The following FBN2 variants were observed in gnomAD, a reference collection of about 807,000 sequenced individuals.
FBN2 encodes the protein fibrillin 2, also known as fibrillin-2.
FBN2 carries 105 observed loss-of-function variants against 355.6 expected under a neutral mutation model. The observed-to-expected ratio is 0.30, with a 90% CI of 0.25 to 0.35. FBN2 has a LOEUF of 0.35. FBN2 is among the 10% of genes least tolerant of loss of function. The probability of loss-of-function intolerance (pLI) is 1.00; values close to 1 mark genes in which losing one functional copy is unlikely to be tolerated. For synonymous variants in FBN2, 1,350 were observed against 1,301.2 expected, an observed-to-expected ratio of 1.04 and a Z score of -0.81; for missense variants, 3,280 against 3,758.7, an observed-to-expected ratio of 0.87 and a Z score of 3.33.
intron 5 of FBN2, among the ~76,000 whole-genome samples, chr5:128,511,221 T>G (rs1254540439): frequency 6.6e-6 from 1 of 152,212 alleles, no homozygotes; most frequent in African/African-American, 2.4e-5. Context: ...TTCATTCTAT[T>G]TTGTTTGCCA....
chr5:128,535,102 T>C (rs1012283436), intron 2 of FBN2, among the ~76,000 whole-genome samples: 1 of 152,244 alleles, frequency 6.6e-6, no homozygotes, highest in Non-Finnish European at 1.5e-5. Context: ...GCAGAACATG[T>C]TCTTTTAAAA....
Position 128,263,469 on chromosome 5 carries a change from G to GC in FBN2, c.8147dup (p.Tyr2717LeufsTer24). 1.2e-6 allele frequency: 2 copies of GC among 1,614,088 alleles called. No individual in the cohort carries two copies. Among genetic ancestry groups the GC allele is most frequent in the Non-Finnish European group, 1.7e-6 (2 of 1,179,986 alleles). ...ACCCAGGGGGGCAGCCACAGAGGTA[G>GC]CCCCCCTCCGTGTTAGAGCAGCCGT... is the stretch of plus-strand genomic sequence containing the variant. On this transcript the variant is annotated frameshift_variant, in exon 63 of 65. Transcript: ENST00000262464. LOFTEE classifies it high-confidence loss of function.
intron 20 of FBN2, among the ~76,000 whole-genome samples, chr5:128,351,381 T>C (rs919475562): frequency 2.0e-5 from 3 of 152,088 alleles, no homozygotes; most frequent in Non-Finnish European, 4.4e-5. Flanking sequence ...ACCCCGTCTC[T>C]ACTAAATATA....
intron 7 of FBN2, among the ~76,000 whole-genome samples, chr5:128,440,169 T>C (rs1319224724): frequency 2.0e-5 from 3 of 152,200 alleles, no homozygotes; most frequent in South Asian, 2.1e-4. Flanking sequence ...TTCTCCAGTC[T>C]TTCAAATATT....
intron 56 of FBN2, 50 bp from the exon 57 acceptor site, chr5:128,278,891 T>C (rs570140393): frequency 6.9e-7 from 1 of 1,450,742 alleles, no homozygotes; most frequent in Admixed American, 1.8e-5. Flanking sequence ...GACATTTCAT[T>C]ATCCTGGCTT....
intron 11 of FBN2, among the ~76,000 whole-genome samples, chr5:128,389,478 G>A (rs764727079): frequency 7.9e-5 from 12 of 152,208 alleles, no homozygotes; most frequent in South Asian, 2.1e-4. Flanking sequence ...GGCAGAGGCC[G>A]GCAGATGGGG....
At chr5:128,437,949 T>C (rs1753818002) in intron 7 of FBN2, among the ~76,000 whole-genome samples, 1 of 152,204 alleles carries the variant, frequency 6.6e-6, no homozygotes, top group South Asian at 2.1e-4. Context: ...ATGTAGTTTG[T>C]TTGCAGTTGG....
At chr5:128,461,271 A>C (rs1176283788) in intron 6 of FBN2, among the ~76,000 whole-genome samples, 1 of 152,252 alleles carries the variant, frequency 6.6e-6, no homozygotes, top group Non-Finnish European at 1.5e-5. Flanking sequence ...ATCACTGATC[A>C]TCAGATAAAT....
intron 64 of FBN2, 63 bp from the exon 65 acceptor site, chr5:128,259,892 G>C (rs1764922638): frequency 6.4e-7 from 1 of 1,564,372 alleles, no homozygotes; most frequent in Admixed American, 1.7e-5. Flanking sequence ...GGACTAGAAA[G>C]AGATCAGCTG....
chr5:128,536,482 G>A lies in FBN2; in HGVS notation c.257C>T (p.Pro86Leu). The change falls in exon 2 of 65, where the codon CCC becomes CTC. Residue 86 changes from proline (P) to leucine (L), a missense_variant and splice_region_variant. Pro to Leu is a moderately conservative substitution (Grantham distance 98). Coordinates refer to ENST00000262464, the MANE Select transcript of FBN2 (RefSeq NM_001999.4). ...GTGGAATCTGGAGCCGCACACGTTG[G>A]GCCTGTGATGGACAAGCGCGGTCAC... ...RRGQQDVLRG[P>L]NVCGSRFHSY... The A allele has an allele frequency of 1.9e-6, 3 of 1,613,388 alleles. No individual in the cohort carries two copies. Among genetic ancestry groups the A allele is most frequent in the Non-Finnish European group, 2.5e-6 (3 of 1,179,602 alleles).
At chr5:128,453,667 T>C (rs1754314647) in intron 6 of FBN2, among the ~76,000 whole-genome samples, 1 of 152,200 alleles carries the variant, frequency 6.6e-6, no homozygotes, top group Admixed American at 6.5e-5. Flanking sequence ...TCAGTTTTTA[T>C]ATGCAGGCCT....
intron 34 of FBN2, 66 bp downstream of exon 34, chr5:128,328,630 C>T: frequency 6.4e-7 from 1 of 1,572,974 alleles, no homozygotes; most frequent in South Asian, 1.1e-5. Flanking sequence ...TGTTCCAGCC[C>T]TTGTTGTGGT....
chr5:128,507,203 T>C (rs1008688728), intron 5 of FBN2, among the ~76,000 whole-genome samples: 2 of 152,026 alleles, frequency 1.3e-5, no homozygotes, highest in Non-Finnish European at 2.9e-5. Flanking sequence ...TTTGGGCCAG[T>C]AGTTTTCTTC....
At chr5:128,455,513 G>A (rs779908663) in intron 6 of FBN2, among the ~76,000 whole-genome samples, 8 of 152,080 alleles carry the variant, frequency 5.3e-5, no homozygotes, top group Non-Finnish European at 1.2e-4. Context: ...GTAAAATGTG[G>A]GGCCAAGATG....
intron 5 of FBN2, among the ~76,000 whole-genome samples, chr5:128,470,649 AGTAAGAAAAGGACT>A (rs914642166): frequency 5.9e-5 from 9 of 152,190 alleles, no homozygotes; most frequent in African/African-American, 2.2e-4. Context: ...CAAGACGGGA[AGTAAGAAAAGGACT>A]GCTAGATTAA....
intron 11 of FBN2, among the ~76,000 whole-genome samples, chr5:128,383,780 T>C (rs1752297489): frequency 1.3e-5 from 2 of 152,054 alleles, no homozygotes; most frequent in Non-Finnish European, 2.9e-5. Context: ...CCTATTACAA[T>C]GGCTAAAGTG....
intron 8 of FBN2, among the ~76,000 whole-genome samples, chr5:128,395,884 G>C (rs1172773352): frequency 6.6e-6 from 1 of 152,214 alleles, no homozygotes; most frequent in Non-Finnish European, 1.5e-5. Context: ...AAGGACCTTG[G>C]GATTTCACTT....
At chr5:128,413,950 T>A (rs2127006349) in intron 7 of FBN2, among the ~76,000 whole-genome samples, 2 of 152,306 alleles carry the variant, frequency 1.3e-5, no homozygotes, top group South Asian at 4.1e-4. Flanking sequence ...GGAAAATTCA[T>A]GATTGAAGTG....
chr5:128,332,842 T>C, intron 32 of FBN2, 70 bp downstream of exon 32: 1 of 1,462,446 alleles, frequency 6.8e-7, no homozygotes. Flanking sequence ...AGCATGATTC[T>C]ACAACCATGC....
Sources: allele counts gnomAD v4.1 joint callset (sites outside exome capture counted in the v4.1 genomes callset), GRCh38; gene constraint gnomAD v4.1.1; transcripts MANE v1.5; gene names NCBI Gene and HGNC (gene_info 2026-07-23, HGNC 2026-07-21).